The following DLGAP4 variants were observed in gnomAD, a reference collection of about 807,000 sequenced individuals.
The protein encoded by DLGAP4 is DLG associated protein 4, also known as disks large-associated protein 4.
A neutral mutation model predicts 86.9 loss-of-function variants in DLGAP4; 18 were observed. That is an observed-to-expected ratio of 0.21 (90% CI 0.14 to 0.31). The LOEUF is 0.31. Among genes scored for constraint, DLGAP4 ranks in the 10% least tolerant of loss-of-function variants. The pLI is 1.00. For missense variants in DLGAP4, 1,085 were observed against 1,362.6 expected, an observed-to-expected ratio of 0.80 and a Z score of 3.21; for synonymous variants, 548 against 574.3, an observed-to-expected ratio of 0.95 and a Z score of 0.65.
intron 7 of DLGAP4, chr20:36,462,195 C>A: frequency 9.2e-7 from 1 of 1,084,966 alleles, no homozygotes; most frequent in Non-Finnish European, 1.1e-6. Context: ...GGGTCTTTCT[C>A]CTTGGGACCC....
At chr20:36,307,132 T>G (rs533202564) in intron 1 of DLGAP4, among the ~76,000 whole-genome samples, 1 of 151,956 alleles carries the variant, frequency 6.6e-6, no homozygotes, top group Non-Finnish European at 1.5e-5. Context: ...CCGCGCTGCA[T>G]AGCGCCCCCT....
chr20:36,371,394 C>G (rs905002571), intron 2 of DLGAP4, among the ~76,000 whole-genome samples: 5 of 152,354 alleles, frequency 3.3e-5, no homozygotes, highest in African/African-American at 9.6e-5. Context: ...AAGACATACA[C>G]AGAATGAGGA....
At chr20:36,442,933 T>C (rs755654900) in intron 6 of DLGAP4, among the ~76,000 whole-genome samples, 156 bp downstream of exon 6, 1 of 152,138 alleles carries the variant, frequency 6.6e-6, no homozygotes, top group Non-Finnish European at 1.5e-5. Flanking sequence ...GAGGGTCACA[T>C]TGGTGTCCTG....
chr20:36,519,006 A>T (rs1360647907), intron 10 of DLGAP4, among the ~76,000 whole-genome samples: 1 of 151,814 alleles, frequency 6.6e-6, no homozygotes, highest in Admixed American at 6.6e-5. Flanking sequence ...AGTCCCAGCT[A>T]CTTGGGAGAC....
intron 2 of DLGAP4, among the ~76,000 whole-genome samples, chr20:36,429,417 T>TTTTTTTTA: frequency 7.2e-6 from 1 of 139,712 alleles, no homozygotes; most frequent in Non-Finnish European, 1.6e-5. Context: ...TTTTTTTTTT[T>TTTTTTTTA]TTTTTGAGAC....
intron 1 of DLGAP4, among the ~76,000 whole-genome samples, chr20:36,336,169 C>T (rs1050421281): frequency 2.0e-5 from 3 of 152,190 alleles, no homozygotes; most frequent in Non-Finnish European, 2.9e-5. Flanking sequence ...TAACCACCTA[C>T]GACATCTTTC....
intron 10 of DLGAP4, among the ~76,000 whole-genome samples, chr20:36,501,065 T>A (rs1473403706): frequency 2.3e-5 from 2 of 88,408 alleles, no homozygotes; most frequent in African/African-American, 2.5e-4. Flanking sequence ...CTTCAACAAC[T>A]TTTTTTTTTT....
chr20:36,344,244 T>C (rs1390110856), intron 1 of DLGAP4, among the ~76,000 whole-genome samples: 1 of 152,228 alleles, frequency 6.6e-6, no homozygotes, highest in African/African-American at 2.4e-5. Context: ...TAACTTCACC[T>C]CTCTGAGTCT....
At chr20:36,526,418 A>AC (rs1429529217) in intron 12 of DLGAP4, among the ~76,000 whole-genome samples, 1 of 151,558 alleles carries the variant, frequency 6.6e-6, no homozygotes, top group Non-Finnish European at 1.5e-5. Context: ...AGAACCAGTG[A>AC]CCCCTGTTGA....
chr20:36,332,325 T>C (rs1451445033), intron 1 of DLGAP4, among the ~76,000 whole-genome samples: 1 of 152,146 alleles, frequency 6.6e-6, no homozygotes, highest in Admixed American at 6.5e-5. Flanking sequence ...TTCCTCTCCT[T>C]TTGACACCTG....
Position 36,527,097 on chromosome 20 carries a change from C to T in DLGAP4, c.*66C>T. 4 of 1,457,804 alleles carry T rather than the reference C, an allele frequency of 2.7e-6. No individual in the cohort carries two copies. Among genetic ancestry groups the T allele is most frequent in the Non-Finnish European group, 3.7e-6 (4 of 1,084,276 alleles). 90.3% of individuals were successfully genotyped at this position (1,457,804 alleles called of 1,614,324 possible). Reference sequence around the variant, plus strand: ...ACACAAAAACTAAGTGCGAACGGAACAGAGTTTTCTCAACCTTTGCTATGG... The same window carrying T: ...ACACAAAAACTAAGTGCGAACGGAATAGAGTTTTCTCAACCTTTGCTATGG... On this transcript the variant is annotated 3_prime_UTR_variant, in exon 13 of 13. Transcript: ENST00000339266.
chr20:36,504,506 C>G (rs1482572183), intron 10 of DLGAP4, among the ~76,000 whole-genome samples: 1 of 152,070 alleles, frequency 6.6e-6, no homozygotes. Context: ...GTTTTTAATT[C>G]TTTGGGGAGT....
chr20:36,342,439 G>T (rs76621557), intron 1 of DLGAP4, among the ~76,000 whole-genome samples: 5,030 of 152,280 alleles, frequency 0.033, 277 homozygotes, highest in African/African-American at 0.11. Flanking sequence ...GGAGGCCTCA[G>T]CCCAGTAGGT....
intron 2 of DLGAP4, among the ~76,000 whole-genome samples, chr20:36,397,675 CT>C (rs1241473036): frequency 2.0e-5 from 3 of 152,126 alleles, no homozygotes; most frequent in African/African-American, 4.8e-5. Context: ...ATTTCTAAGT[CT>C]TTTCTCATTT....
At chr20:36,391,926 C>G (rs1306949307) in intron 2 of DLGAP4, among the ~76,000 whole-genome samples, 1 of 152,206 alleles carries the variant, frequency 6.6e-6, no homozygotes, top group Non-Finnish European at 1.5e-5. Context: ...AGTTAAATCA[C>G]GGGTCACCCT....
intron 10 of DLGAP4, among the ~76,000 whole-genome samples, chr20:36,518,051 T>C (rs1289612548): frequency 6.6e-6 from 1 of 152,132 alleles, no homozygotes; most frequent in Non-Finnish European, 1.5e-5. Flanking sequence ...TGAAACCCCA[T>C]TTCTACAAAA....
intron 2 of DLGAP4, among the ~76,000 whole-genome samples, chr20:36,409,380 A>G (rs1000923009): frequency 6.8e-6 from 1 of 147,670 alleles, no homozygotes; most frequent in African/African-American, 2.5e-5. Context: ...AAGTAAAATA[A>G]AAAAAATTTT....
intron 1 of DLGAP4, among the ~76,000 whole-genome samples, chr20:36,315,030 A>T (rs1320627932): frequency 7.4e-4 from 7 of 9,518 alleles, no homozygotes; most frequent in Admixed American, 1.3e-3. Context: ...GTGGTGTGAG[A>T]TGTGTGTGTG....
intron 7 of DLGAP4, among the ~76,000 whole-genome samples, chr20:36,481,316 C>T (rs949204189): frequency 6.6e-6 from 1 of 152,162 alleles, no homozygotes; most frequent in South Asian, 2.1e-4. Context: ...TAGTGTGACC[C>T]TCTGGGGCTA....
Sources: allele counts gnomAD v4.1 joint callset (sites outside exome capture counted in the v4.1 genomes callset), GRCh38; gene constraint gnomAD v4.1.1; transcripts MANE v1.5; gene names NCBI Gene and HGNC (gene_info 2026-07-23, HGNC 2026-07-21).